The following APC2 variants were observed in gnomAD, a reference collection of about 807,000 sequenced individuals.
The protein encoded by APC2 is APC regulator of Wnt signaling pathway 2, also known as adenomatous polyposis coli protein 2.
Under a neutral mutation model 72.5 loss-of-function variants are expected in APC2, and 41 were observed. That is an observed-to-expected ratio of 0.57 (90% CI 0.44 to 0.73). APC2 has a LOEUF of 0.73. Ranked by LOEUF, APC2 falls within the 30% of genes least tolerant of loss-of-function variation. APC2 has a pLI of 0.00. For synonymous variants in APC2, 1,898 were observed against 1,612.0 expected (o/e 1.18, Z -4.25); for missense variants, 3,729 against 3,403.4 (o/e 1.10, Z -2.38).
In APC2 at chr19:1,462,115, C is replaced by A. The variant is rs142142534; in HGVS notation, c.1791C>A (p.Ile597=). 1.2e-6 allele frequency: 2 copies of A among 1,612,762 alleles called. No individual in the cohort carries two copies. The highest frequency in any genetic ancestry group is 1.1e-5 in the South Asian group (1 of 91,080). The stretch of plus-strand genomic sequence containing the variant: ...GTCAGAGCAACTCGCTGGCCATCAT[C>A]GAGAGCGGCGGCGGCATCCTCCGCA... ...YKCQSNSLAI[I]ESGGGILRNV... Residue 597 remains isoleucine (I), a synonymous_variant, in exon 14 of 15, where the codon ATC becomes ATA. Coordinates refer to ENST00000590469, the MANE Select transcript of APC2 (RefSeq NM_005883.3).
At position 1,452,794 on chromosome 19, in the gene APC2, T is replaced by G; in HGVS notation, c.-18-190T>G. The G allele has an allele frequency of 1.5e-6, 1 of 649,390 alleles. No homozygotes were observed. 40.2% of individuals were successfully genotyped at this position (649,390 alleles called of 1,614,324 possible). A position where few individuals can be genotyped will look rare whatever the true frequency, so the allele number is the denominator to read the frequency against. On this transcript the variant is annotated intron_variant, in intron 1 of 14. Transcript: ENST00000590469. This position sits in a 1 kb window ranked among gnomAD's most constrained non-coding sequence, Gnocchi z 5.1. ...CCACCTCTCACTCCACCTGCCCCTC[T>G]GCGCCCCGGATTGCCTGGCCACCAC...
chr19:1,454,243 T>C (rs1392014644), intron 4 of APC2, among the ~76,000 whole-genome samples: 5 of 152,210 alleles, frequency 3.3e-5, no homozygotes. Context: ...TGGAGCACTT[T>C]GAGCCTGAAG....
Position 1,469,251 on chromosome 19 carries a change from G to A in APC2, c.5950G>A (p.Glu1984Lys), listed in dbSNP as rs1158931287. The A allele has an allele frequency of 7.0e-7, 1 of 1,427,040 alleles. No individual in the cohort carries two copies. Among genetic ancestry groups the A allele is most frequent in the Non-Finnish European group, 9.2e-7 (1 of 1,088,536 alleles). The allele number at this position is 1,427,040 out of a possible 1,614,324, so 88.4% of individuals were successfully genotyped here. Residue 1984 changes from glutamate (E) to lysine (K), a missense_variant, in exon 15 of 15, where the codon GAG becomes AAG. By Grantham distance (56) the Glu-to-Lys change is moderately conservative. Transcript: ENST00000590469. ...RVASALSSGSESSDRSGFRRQ... is the reference protein window; with the variant it reads ...RVASALSSGSKSSDRSGFRRQ... ...GGCCTCAGCCCTCTCCAGCGGCAGC[G>A]AGTCCTCCGACCGCTCGGGCTTCCG...
intron 4 of APC2, among the ~76,000 whole-genome samples, chr19:1,454,332 AAGG>A (rs2083784706): frequency 6.6e-6 from 1 of 151,110 alleles, no homozygotes; most frequent in Non-Finnish European, 1.5e-5. Flanking sequence ...GTCTTTCTTC[AAGG>A]AGGAGAATTT....
In APC2 at chr19:1,462,010, A is replaced by C. The variant is rs758967480; in HGVS notation, c.1686A>C (p.Ala562=). 3.1e-6 allele frequency: 5 copies of C among 1,612,742 alleles called. No individual in the cohort carries two copies. In the South Asian group the frequency reaches 5.5e-5, roughly 18 times the overall value. Residue 562 remains alanine, a synonymous_variant, in exon 14 of 15, where the codon GCA becomes GCC. Transcript: ENST00000590469. ...SVLSALWNLS[A]HSTENKAAIC... is the part of the protein sequence containing the mutation. ...TGAGCGCCCTGTGGAATCTGTCTGC[A>C]CACAGCACAGAGAACAAGGCGGCCA...
chr19:1,461,214 C>T, intron 13 of APC2, 61 bp downstream of exon 13: 3 of 1,436,322 alleles, frequency 2.1e-6, no homozygotes, highest in Non-Finnish European at 2.9e-6. Flanking sequence ...CTGCTGGCGG[C>T]AGCGGGCGAG....
chr19:1,458,706 AAAG>A (rs2083877396), intron 10 of APC2: 1 of 152,190 alleles, frequency 6.6e-6, no homozygotes, highest in African/African-American at 2.4e-5. Flanking sequence ...CCTGTCTCAA[AAAG>A]AAAAGTCTTG....
At chr19:1,446,960 G>T (rs1380134960), upstream of APC2, among the ~76,000 whole-genome samples, 1 of 152,216 alleles carries the variant, frequency 6.6e-6, no homozygotes, top group Non-Finnish European at 1.5e-5. The surrounding 1 kb of genome is among the most constrained non-coding windows in gnomAD (Gnocchi z 6.1). Flanking sequence ...CACGCTTCGA[G>T]GCCGGAGCCT....
chr19:1,459,158 C>T (rs976664920), intron 10 of APC2, among the ~76,000 whole-genome samples: 28 of 152,288 alleles, frequency 1.8e-4, no homozygotes, highest in Admixed American at 3.3e-4. Context: ...TCCCACTGAG[C>T]GTGACATCCT....
chr19:1,472,202 CTGG>C lies in APC2; in HGVS notation c.*1994_*1996del, dbSNP rs1489025780. The C allele has an allele frequency of 1.3e-5, 2 of 152,316 alleles. No individual in the cohort carries two copies. Among genetic ancestry groups the C allele is most frequent in the Admixed American group, 6.5e-5 (1 of 15,288 alleles). The allele number at this position is 152,316 out of a possible 1,614,324, so 9.4% of individuals were successfully genotyped here. A position where few individuals can be genotyped will look rare whatever the true frequency, so the allele number is the denominator to read the frequency against. ...CCCCATCCATGGCCCGAGGGGGAACCTGGTGGTCTCTTCTGAGCTTTTGGACTT... is the reference window on the plus strand; with the variant it reads ...CCCCATCCATGGCCCGAGGGGGAACCTGGTCTCTTCTGAGCTTTTGGACTT... On this transcript the variant is annotated 3_prime_UTR_variant, in exon 15 of 15. Coordinates refer to ENST00000590469, the MANE Select transcript of APC2 (RefSeq NM_005883.3).
rs373928263 is a variant in APC2, at chr19:1,453,697, A to G, written c.413+86A>G. 2.1e-5 allele frequency: 31 copies of G among 1,489,494 alleles called. No homozygotes were observed. The South Asian group carries it at 3.6e-4, about 17-fold the overall frequency. 92.3% of individuals were successfully genotyped at this position (1,489,494 alleles called of 1,614,324 possible). A position where few individuals can be genotyped will look rare whatever the true frequency, so the allele number is the denominator to read the frequency against. On this transcript the variant is annotated intron_variant, in intron 4 of 14. Transcript: ENST00000590469. ...TCTGCCCTCTAATTCGCCCACCCGC[A>G]TATGTCTCTGCCCACACCTCACACG...
chr19:1,454,769 G>A (rs1306111818), intron 4 of APC2, among the ~76,000 whole-genome samples: 1 of 152,024 alleles, frequency 6.6e-6, no homozygotes, highest in African/African-American at 2.4e-5. Context: ...GGGTTTCACC[G>A]TGTTAGCCAG....
Position 1,457,051 on chromosome 19 carries a change from G to GGCGCCAAGGACGCACGCATGC in APC2, c.1023_1043dup (p.Lys341_Ala347dup). 1 of 1,531,530 alleles carries GGCGCCAAGGACGCACGCATGC rather than the reference G, an allele frequency of 6.5e-7. No individual in the cohort carries two copies. 94.9% of individuals were successfully genotyped at this position (1,531,530 alleles called of 1,614,324 possible). On this transcript the variant is annotated inframe_insertion, in exon 9 of 15. Transcript: ENST00000590469. ...TCGCGCCGGGGCCCCAGGGGCACCG[G>GGCGCCAAGGACGCACGCATGC]GCGCCAAGGACGCACGCATGCGCGC...
chr19:1,457,905 G>A (rs549964908), intron 9 of APC2, 60 bp from the exon 10 acceptor site: 271 of 1,495,096 alleles, frequency 1.8e-4, no homozygotes, highest in Non-Finnish European at 2.2e-4. Context: ...CGGGACCTTC[G>A]GGAGTCACCT....
At chr19:1,459,997 T>G (rs1366845074) in intron 10 of APC2, among the ~76,000 whole-genome samples, 184 bp from the exon 11 acceptor site, 1 of 152,124 alleles carries the variant, frequency 6.6e-6, no homozygotes, top group Non-Finnish European at 1.5e-5. Flanking sequence ...GGTACCCCTG[T>G]GGGTCTGGCA....
Position 1,468,205 on chromosome 19 carries a change from C to T in APC2, c.4904C>T (p.Ser1635Leu). 1 of 1,464,646 alleles carries T rather than the reference C, an allele frequency of 6.8e-7. No homozygotes were observed. The highest frequency in any genetic ancestry group is 8.9e-7 in the Non-Finnish European group (1 of 1,117,768). 90.7% of individuals were successfully genotyped at this position (1,464,646 alleles called of 1,614,324 possible). Residue 1635 changes from serine (S) to leucine (L), a missense_variant, in exon 15 of 15, where the codon TCG (serine) becomes TTG (leucine). Physicochemically the swap from Ser to Leu is moderately radical, Grantham distance 145 (BLOSUM62 -2). Transcript: ENST00000590469. Reference sequence around the variant, plus strand: ...GAGCTTCTGCAGCGGTGCATCAGCTCGGCCCTGCCCAGGCGCCGGCCCCCC... The same window carrying T: ...GAGCTTCTGCAGCGGTGCATCAGCTTGGCCCTGCCCAGGCGCCGGCCCCCC... ...AEELLQRCIS[S>L]ALPRRRPPVS...
chr19:1,459,138 G>C (rs1328277650), intron 10 of APC2, among the ~76,000 whole-genome samples: 1 of 152,142 alleles, frequency 6.6e-6, no homozygotes, highest in African/African-American at 2.4e-5. Flanking sequence ...GTCATTTTAT[G>C]CCTGGCGTCT....
Position 1,468,138 on chromosome 19 carries a change from G to C in APC2, c.4837G>C (p.Gly1613Arg). The C allele has an allele frequency of 6.7e-7, 1 of 1,492,470 alleles. No homozygotes were observed. The highest frequency in any genetic ancestry group is 1.3e-5 in the South Asian group (1 of 79,766). The allele number at this position is 1,492,470 out of a possible 1,614,324, so 92.5% of individuals were successfully genotyped here. ...CGCGGTCACCAAGGACCCGGGCCCA[G>C]GAGGCGGACGCGACAGCTCGCCCAG... ...EPAVTKDPGPGGGRDSSPSPR... is the reference protein window; with the variant it reads ...EPAVTKDPGPRGGRDSSPSPR... Residue 1613 changes from glycine to arginine, a missense_variant, in exon 15 of 15, where the codon GGA becomes CGA. Transcript: ENST00000590469.
intron 8 of APC2, 152 bp from the exon 9 acceptor site, chr19:1,456,701 C>T (rs2083833205): frequency 2.8e-6 from 3 of 1,062,582 alleles, no homozygotes; most frequent in Non-Finnish European, 3.9e-6. Flanking sequence ...CCCCGAAGCA[C>T]GTGTGCAGCC....
Sources: gnomAD v4.1 joint callset for allele counts (sites outside exome capture counted in the v4.1 genomes callset) on GRCh38, gnomAD v4.1.1 for gene constraint, Gnocchi (gnomAD v3.1) non-coding constraint, MANE v1.5 for transcripts, NCBI Gene and HGNC (gene_info 2026-07-23, HGNC 2026-07-21) for gene names.